The following DCDC2B variants were observed in gnomAD, a reference collection of about 807,000 sequenced individuals.
The protein encoded by DCDC2B is doublecortin domain containing 2B, also known as doublecortin domain-containing protein 2B.
A neutral mutation model predicts 38.9 loss-of-function variants in DCDC2B; 41 were observed. The observed-to-expected ratio is 1.05, with a 90% CI of 0.82 to 1.37. DCDC2B has a LOEUF of 1.37. DCDC2B is among the 40% of genes most tolerant of loss of function. The probability of loss-of-function intolerance (pLI) is 0.00; values close to 1 mark genes in which losing one functional copy is unlikely to be tolerated. For missense variants in DCDC2B, 453 were observed against 427.2 expected (o/e 1.06, Z -0.53); for synonymous variants, 181 against 171.9 (o/e 1.05, Z -0.41).
At position 32,212,197 on chromosome 1, in the gene DCDC2B, T is replaced by G. The variant is rs557132549; in HGVS notation, c.523T>G (p.Cys175Gly). 6.2e-7 allele frequency: 1 copy of G among 1,613,094 alleles called. No individual in the cohort carries two copies. Among genetic ancestry groups the G allele is most frequent in the Non-Finnish European group, 8.5e-7 (1 of 1,179,774 alleles). The change falls in exon 4 of 9, where the codon TGC (cysteine) becomes GGC (glycine). Residue 175 changes from cysteine (C) to glycine (G), a missense_variant. Cys to Gly is a radical substitution (Grantham distance 159, BLOSUM62 -3). Coordinates refer to ENST00000409358, the MANE Select transcript of DCDC2B (RefSeq NM_001099434.2). ...EKVKLQSGAVCKLCTLEGLPL... is the reference protein window; with the variant it reads ...EKVKLQSGAVGKLCTLEGLPL... ...GGTCAAGTTGCAGAGTGGGGCTGTG[T>G]GCAAGTGAGTATGGGGACTGCGAGG...
At position 32,212,118 on chromosome 1, in the gene DCDC2B, G is replaced by A. The variant is rs760479486; in HGVS notation, c.444G>A (p.Leu148=). Residue 148 remains leucine, a synonymous_variant, in exon 4 of 9, where the codon CTG becomes CTA. Transcript: ENST00000409358. ...DLVSPPFSLK[L]SQAASQDWET... is the part of the protein sequence containing the mutation. ...TAAGTCCCCCATTTAGTCTGAAGCT[G>A]TCCCAGGCTGCCAGCCAGGACTGGG... The A allele has an allele frequency of 2.0e-5, 32 of 1,613,966 alleles. No homozygotes were observed. Among genetic ancestry groups the A allele is most frequent in the East Asian group, 1.1e-4 (5 of 44,880 alleles).
intron 1 of DCDC2B, among the ~76,000 whole-genome samples, chr1:32,209,591 A>T (rs1643497724): frequency 6.6e-6 from 1 of 152,168 alleles, no homozygotes. Flanking sequence ...ACTAATGTTT[A>T]TGCCCATCAC....
At position 32,209,104 on chromosome 1, in the gene DCDC2B, G is replaced by T. The variant is rs779565006; in HGVS notation, c.11G>T (p.Gly4Val). MAG[G>V]SPAAKRVVVY... ...GACTGAGGATACACTATGGCAGGTG[G>T]CAGTCCAGCAGCCAAGAGGGTAGTG... Residue 4 changes from glycine (G) to valine (V), a missense_variant, in exon 1 of 9, where the codon GGC becomes GTC. By Grantham distance (109) the Gly-to-Val change is moderately radical. Coordinates refer to ENST00000409358, the MANE Select transcript of DCDC2B (RefSeq NM_001099434.2). The T allele has an allele frequency of 4.2e-5, 67 of 1,613,606 alleles. No homozygotes were observed. Among genetic ancestry groups the T allele is most frequent in the Non-Finnish European group, 5.6e-5 (66 of 1,179,748 alleles).
chr1:32,215,378 AGGGCAGGAATGCTGAGGGCTCTTCAGCCT>A, intron 7 of DCDC2B, 33 bp from the exon 8 acceptor site: 2 of 1,392,750 alleles, frequency 1.4e-6, no homozygotes, highest in South Asian at 2.6e-5. Context: ...ATGAAGGTCC[AGGGCAGGAATGCTGAGGGCTCTTCAGCCT>A]GGGCATCACC....
At position 32,211,801 on chromosome 1, in the gene DCDC2B, G is replaced by T; in HGVS notation, c.359G>T (p.Gly120Val). The T allele has an allele frequency of 6.2e-7, 1 of 1,610,964 alleles. No individual in the cohort carries two copies. The highest frequency in any genetic ancestry group is 1.1e-5 in the South Asian group (1 of 90,178). Reference protein sequence around the residue: ...VTRHLCDGAIGRQLPAGAPSY... With the variant: ...VTRHLCDGAIVRQLPAGAPSY... Reference sequence around the variant, plus strand: ...CGCCACTTGTGTGATGGGGCCATTGGACGGCAGCTGCCTGCAGGTGCTCCC... The same window carrying T: ...CGCCACTTGTGTGATGGGGCCATTGTACGGCAGCTGCCTGCAGGTGCTCCC... Residue 120 changes from glycine (G) to valine (V), a missense_variant, in exon 3 of 9, where the codon GGA (glycine) becomes GTA (valine). Physicochemically the swap from Gly to Val is moderately radical, Grantham distance 109 (BLOSUM62 -3). Coordinates refer to ENST00000409358, the MANE Select transcript of DCDC2B (RefSeq NM_001099434.2).
chr1:32,215,000 T>C lies in DCDC2B; in HGVS notation c.850+68T>C, dbSNP rs374714757. ...GACAGTGACATAGGTTGGTCCCTGC[T>C]GTTGTTGGGGATGTCCATGGGAGCA... On this transcript the variant is annotated intron_variant, in intron 7 of 8. Transcript: ENST00000409358. 13 of 1,587,374 alleles carry C rather than the reference T, an allele frequency of 8.2e-6. No homozygotes were observed. The African/African-American group carries it at 1.4e-4, about 17-fold the overall frequency.
chr1:32,214,381 G>C (rs1643713292), intron 6 of DCDC2B: 1 of 169,108 alleles, frequency 5.9e-6, no homozygotes, highest in Non-Finnish European at 1.3e-5. Flanking sequence ...GAGTGGCAGG[G>C]GCCAGACCAG....
At chr1:32,212,671 G>C (rs1643638405) in intron 5 of DCDC2B, 35 bp downstream of exon 5, 7 of 1,612,982 alleles carry the variant, frequency 4.3e-6, no homozygotes, top group Non-Finnish European at 5.1e-6. Flanking sequence ...TAACAGGCCG[G>C]GCAGAGGAAG....
chr1:32,215,926 G>A lies in DCDC2B; in HGVS notation c.*29G>A. On this transcript the variant is annotated 3_prime_UTR_variant, in exon 9 of 9. Transcript: ENST00000409358. Reference sequence around the variant, plus strand: ...CCAGCAGCTCCAGAGGGCAACTGGGGACCACTACTCTGGCCACCTTTTGTC... The same window carrying A: ...CCAGCAGCTCCAGAGGGCAACTGGGAACCACTACTCTGGCCACCTTTTGTC... 6.6e-7 allele frequency: 1 copy of A among 1,522,594 alleles called. No homozygotes were observed. The highest frequency in any genetic ancestry group is 8.9e-7 in the Non-Finnish European group (1 of 1,121,928). 94.3% of individuals were successfully genotyped at this position (1,522,594 alleles called of 1,614,324 possible).
At chr1:32,215,255 G>A (rs1638280835) in intron 7 of DCDC2B, 185 bp from the exon 8 acceptor site, 1 of 609,264 alleles carries the variant, frequency 1.6e-6, no homozygotes, top group Non-Finnish European at 2.9e-6. Context: ...GACTTCAGGG[G>A]TGGGATATAG....
At chr1:32,210,362 G>GTAGCACGT (rs1478407886) in intron 1 of DCDC2B, among the ~76,000 whole-genome samples, 1 of 150,698 alleles carries the variant, frequency 6.6e-6, no homozygotes, top group Non-Finnish European at 1.5e-5. Flanking sequence ...GCCAGGCCTG[G>GTAGCACGT]TAGCACGTGC....
At position 32,209,241 on chromosome 1, in the gene DCDC2B, C is replaced by T; in HGVS notation, c.148C>T (p.Pro50Ser). ...LCEVTSAVQA[P>S]LAVRALYTPC... ...CGAGGTGACATCAGCTGTGCAGGCCCCACTGGCTGTGCGTGCCCTCTACAC... is the reference window on the plus strand; with the variant it reads ...CGAGGTGACATCAGCTGTGCAGGCCTCACTGGCTGTGCGTGCCCTCTACAC... The change falls in exon 1 of 9, where the codon CCA (proline) becomes TCA (serine). Residue 50 changes from proline to serine, a missense_variant. Transcript: ENST00000409358. The T allele has an allele frequency of 6.2e-7, 1 of 1,613,998 alleles. No homozygotes were observed. The highest frequency in any genetic ancestry group is 8.5e-7 in the Non-Finnish European group (1 of 1,179,882).
intron 1 of DCDC2B, among the ~76,000 whole-genome samples, chr1:32,210,295 C>T (rs1443422378): frequency 6.7e-6 from 1 of 148,242 alleles, no homozygotes; most frequent in Non-Finnish European, 1.5e-5. Flanking sequence ...CACTGCACTC[C>T]AGCCTGGGCA....
In DCDC2B at chr1:32,214,799, C is replaced by G; in HGVS notation, c.717C>G (p.Ala239=). 1 of 1,613,896 alleles carries G rather than the reference C, an allele frequency of 6.2e-7. No individual in the cohort carries two copies. The highest frequency in any genetic ancestry group is 8.5e-7 in the Non-Finnish European group (1 of 1,179,868). ...GSKSRPHRQG[A]QGHRAQVTQP... ...CAAGCCCAGTGTCCCTTCTCTAGGC[C>G]CAAGGCCACAGGGCCCAGGTAACCC... is the stretch of plus-strand genomic sequence containing the variant. The change falls in exon 7 of 9, where the codon GCC becomes GCG. Residue 239 remains alanine, a splice_region_variant and synonymous_variant. Transcript: ENST00000409358.
At chr1:32,210,006 A>G (rs965274187) in intron 1 of DCDC2B, among the ~76,000 whole-genome samples, 1 of 152,200 alleles carries the variant, frequency 6.6e-6, no homozygotes, top group Non-Finnish European at 1.5e-5. Context: ...CAGCCTGGCC[A>G]ACATGGCGAA....
chr1:32,214,882 A>G lies in DCDC2B; in HGVS notation c.800A>G (p.Gln267Arg), dbSNP rs202017082. The change falls in exon 7 of 9, where the codon CAG becomes CGG. Residue 267 changes from glutamine to arginine, a missense_variant. Coordinates refer to ENST00000409358, the MANE Select transcript of DCDC2B (RefSeq NM_001099434.2). ...CCATCTGCTTTCTATGCCAGACCCC[A>G]GCAGACCATTCAGCCAAGAAGCAAG... Reference protein sequence around the residue: ...IKPSAFYARPQQTIQPRSKLP... With the variant: ...IKPSAFYARPRQTIQPRSKLP... 18 of 1,613,988 alleles carry G rather than the reference A, an allele frequency of 1.1e-5. No individual in the cohort carries two copies. The African/African-American group carries it at 2.0e-4, about 18-fold the overall frequency.
intron 8 of DCDC2B, 129 bp from the exon 9 acceptor site, chr1:32,215,673 C>CT: frequency 2.7e-6 from 3 of 1,107,254 alleles, no homozygotes; most frequent in Non-Finnish European, 3.9e-6. Context: ...AACTTCCTAC[C>CT]TTGTTAAATG....
At chr1:32,215,081 G>GA in intron 7 of DCDC2B, 149 bp downstream of exon 7, 3 of 1,164,496 alleles carry the variant, frequency 2.6e-6, no homozygotes, top group Non-Finnish European at 3.5e-6. Flanking sequence ...AAAGGAGTCT[G>GA]AACCTACTGT....
chr1:32,216,135 A>C lies in DCDC2B; in HGVS notation c.*238A>C. On this transcript the variant is annotated 3_prime_UTR_variant, in exon 9 of 9. Coordinates refer to ENST00000409358, the MANE Select transcript of DCDC2B (RefSeq NM_001099434.2). ...CCTTATGGGATTCTCTGGCCAGAGA[A>C]AGGAGTAGCTGACTAAGCCTGGGAG... 1 of 681,198 alleles carries C rather than the reference A, an allele frequency of 1.5e-6. No individual in the cohort carries two copies. Among genetic ancestry groups the C allele is most frequent in the Non-Finnish European group, 2.4e-6 (1 of 411,818 alleles). 42.2% of individuals were successfully genotyped at this position (681,198 alleles called of 1,614,324 possible).
Sources: allele counts gnomAD v4.1 joint callset (sites outside exome capture counted in the v4.1 genomes callset), GRCh38; gene constraint gnomAD v4.1.1; transcripts MANE v1.5; gene names NCBI Gene and HGNC (gene_info 2026-07-23, HGNC 2026-07-21).